TTC5: variants seen among roughly 807,000 people sequenced by gnomAD.
The protein encoded by TTC5 is tetratricopeptide repeat protein 5.
Under a neutral mutation model 57.4 loss-of-function variants are expected in TTC5, and 46 were observed. That is an observed-to-expected ratio of 0.80 (90% CI 0.63 to 1.03). The LOEUF (loss-of-function observed/expected upper bound fraction) is 1.03, where lower values mean the gene tolerates loss of function less well. TTC5 is among the 50% of genes least tolerant of loss of function. TTC5 has a pLI of 0.00. For synonymous variants in TTC5, 190 were observed against 203.5 expected (o/e 0.93, Z 0.57); for missense variants, 504 against 528.1 (o/e 0.95, Z 0.45).
intron 6 of TTC5, 93 bp from the exon 7 acceptor site, chr14:20,295,947 G>C: frequency 7.8e-7 from 1 of 1,278,202 alleles, no homozygotes; most frequent in East Asian, 2.4e-5. Flanking sequence ...GAAATAAACT[G>C]TTTTCCTTCC....
chr14:20,299,680 G>A (rs1249067768), intron 3 of TTC5, among the ~76,000 whole-genome samples: 1 of 152,036 alleles, frequency 6.6e-6, no homozygotes. Context: ...AGCTTCCCAA[G>A]TAGCTGGGAC....
chr14:20,297,542 G>A (rs376134069), intron 5 of TTC5, among the ~76,000 whole-genome samples: 4 of 152,078 alleles, frequency 2.6e-5, no homozygotes, highest in South Asian at 2.1e-4. Context: ...AGACCGAGGC[G>A]GATGGATCAC....
At chr14:20,300,913 A>G in intron 2 of TTC5, 95 bp from the exon 3 acceptor site, 1 of 982,582 alleles carries the variant, frequency 1.0e-6, no homozygotes, top group Non-Finnish European at 1.5e-6. Context: ...TTTTAGGAAT[A>G]AAAAGAGTTG....
intron 1 of TTC5, among the ~76,000 whole-genome samples, chr14:20,302,198 T>A (rs892389247): frequency 6.6e-6 from 1 of 152,194 alleles, no homozygotes; most frequent in Non-Finnish European, 1.5e-5. Flanking sequence ...AGTGTCTCTA[T>A]TGTGATGACC....
chr14:20,297,922 A>G (rs547299869), intron 5 of TTC5, among the ~76,000 whole-genome samples: 20 of 152,356 alleles, frequency 1.3e-4, no homozygotes, highest in African/African-American at 4.1e-4. Context: ...TCCGTGATTG[A>G]AAAAGGGCAG....
Position 20,299,542 on chromosome 14 carries a change from CCTTT to C in TTC5, c.397-98_397-95del, listed in dbSNP as rs1882138559. ...TCAGTCTTCTAAATCTAATTTTTTA[CCTTT>C]CTAAGTTTTTTGTTTTGTTTTGTTT... is the stretch of plus-strand genomic sequence containing the variant. On this transcript the variant is annotated intron_variant, in intron 3 of 9. Transcript: ENST00000258821. 6.8e-6 allele frequency: 10 copies of C among 1,464,254 alleles called. No individual in the cohort carries two copies. In the South Asian group the frequency reaches 6.9e-5, roughly 10 times the overall value. 90.7% of individuals were successfully genotyped at this position (1,464,254 alleles called of 1,614,324 possible).
At position 20,301,833 on chromosome 14, in the gene TTC5, C is replaced by T. The variant is rs1263182618; in HGVS notation, c.184G>A (p.Gly62Ser). ...KTLQQMEEVV[G>S]SVQGKAQVLM... is the part of the protein sequence containing the mutation. ...GTTGTACAATCTCTAGGGCTCATAC[C>T]CACTACTTCTTCCATCTGCTGTAGG... Residue 62 changes from glycine (G) to serine (S), a missense_variant and splice_region_variant, in exon 2 of 10, where the codon GGT becomes AGT. Coordinates refer to ENST00000258821, the MANE Select transcript of TTC5 (RefSeq NM_138376.3). The T allele has an allele frequency of 6.2e-7, 1 of 1,613,728 alleles. No homozygotes were observed. The highest frequency in any genetic ancestry group is 1.3e-5 in the African/African-American group (1 of 74,872).
At chr14:20,296,933 A>C (rs1440295500) in intron 5 of TTC5, among the ~76,000 whole-genome samples, 1 of 152,152 alleles carries the variant, frequency 6.6e-6, no homozygotes, top group Non-Finnish European at 1.5e-5. Context: ...TTGTTTTAAC[A>C]TGGGAGGTGG....
intron 8 of TTC5, 30 bp downstream of exon 8, chr14:20,295,282 T>C (rs1195194177): frequency 6.2e-7 from 1 of 1,605,848 alleles, no homozygotes; most frequent in Admixed American, 1.7e-5. Flanking sequence ...TTCAAAAGGG[T>C]AAAATGGGGG....
rs552581393 is a variant in TTC5, at chr14:20,301,938, G to A, written c.79C>T (p.Arg27Ter). ...QELVDQLYSF[R>*]DCYFETHSVE... ...CTATGTGTCTCGAAATAGCAGTCTC[G>A]AAATGAGTAGAGCTGATCCACGAGT... The change falls in exon 2 of 10, where the codon CGA becomes TGA. Residue 27 changes from arginine (R) to a stop codon, truncating the protein, a stop_gained. Coordinates refer to ENST00000258821, the MANE Select transcript of TTC5 (RefSeq NM_138376.3). LOFTEE classifies it high-confidence loss of function. The A allele has an allele frequency of 5.0e-6, 8 of 1,613,870 alleles. No homozygotes were observed. Among genetic ancestry groups the A allele is most frequent in the South Asian group, 1.1e-5 (1 of 91,062 alleles).
At position 20,305,333 on chromosome 14, in the gene TTC5, C is replaced by T. The variant is rs546742068; in HGVS notation, c.51+554G>A. 2.0e-5 allele frequency: 3 copies of T among 152,330 alleles called. No homozygotes were observed. The East Asian group carries it at 5.8e-4, about 29-fold the overall frequency. The allele number at this position is 152,330 out of a possible 1,614,324, so 9.4% of individuals were successfully genotyped here. ...AAGCAACTAGTTAACGCCTCCCTAC[C>T]AAGTCCAAAAGACTAGTCTTACCTG... On this transcript the variant is annotated intron_variant, in intron 1 of 9. Coordinates refer to ENST00000258821, the MANE Select transcript of TTC5 (RefSeq NM_138376.3).
chr14:20,297,947 T>C (rs1310442925), intron 5 of TTC5, among the ~76,000 whole-genome samples: 3 of 152,134 alleles, frequency 2.0e-5, no homozygotes, highest in South Asian at 4.1e-4. Flanking sequence ...AAGTCAAAGG[T>C]AGAGTTGTGG....
intron 1 of TTC5, among the ~76,000 whole-genome samples, 194 bp from the exon 2 acceptor site, chr14:20,302,159 G>T (rs1882206193): frequency 6.6e-6 from 1 of 152,166 alleles, no homozygotes; most frequent in African/African-American, 2.4e-5. Context: ...CCCCAGGCCA[G>T]CTCTCATGGT....
At chr14:20,303,376 C>CA (rs932044342) in intron 1 of TTC5, among the ~76,000 whole-genome samples, 1 of 151,960 alleles carries the variant, frequency 6.6e-6, no homozygotes, top group African/African-American at 2.4e-5. Context: ...TTCCAAAATT[C>CA]AAAAAAATCC....
In TTC5 at chr14:20,289,490, T is replaced by G; in HGVS notation, c.*137A>C. 1 of 1,060,140 alleles carries G rather than the reference T, an allele frequency of 9.4e-7. No homozygotes were observed. Among genetic ancestry groups the G allele is most frequent in the Non-Finnish European group, 1.3e-6 (1 of 754,146 alleles). The allele number at this position is 1,060,140 out of a possible 1,614,324, so 65.7% of individuals were successfully genotyped here. Reference sequence around the variant, plus strand: ...GAGGAGAGAGAAGAGATACGAAGTGTAATACAGGCAGGGAAAGAGAAAGTC... The same window carrying G: ...GAGGAGAGAGAAGAGATACGAAGTGGAATACAGGCAGGGAAAGAGAAAGTC... On this transcript the variant is annotated 3_prime_UTR_variant, in exon 10 of 10. Coordinates refer to ENST00000258821, the MANE Select transcript of TTC5 (RefSeq NM_138376.3).
chr14:20,305,892 A>AT lies in TTC5; in HGVS notation c.45dup (p.Leu16IlefsTer20). ...AATTTAATCTACGGCCCCACCTGCAATTTCTGCAAGATCGGCTTGACTTCT... is the reference window on the plus strand; with the variant it reads ...AATTTAATCTACGGCCCCACCTGCAATTTTCTGCAAGATCGGCTTGACTTCT... On this transcript the variant is annotated frameshift_variant, in exon 1 of 10. Transcript: ENST00000258821. LOFTEE classifies it high-confidence loss of function. The AT allele has an allele frequency of 6.2e-7, 1 of 1,614,010 alleles. No individual in the cohort carries two copies.
At chr14:20,290,207 A>C (rs73583426) in intron 9 of TTC5, among the ~76,000 whole-genome samples, 1,962 of 152,320 alleles carry the variant, frequency 0.013, 51 homozygotes, top group African/African-American at 0.045. Context: ...CTTCTCTTTT[A>C]TATCAAGAGG....
chr14:20,300,143 G>GTGTGTATATATATATATATATATA lies in TTC5; in HGVS notation c.396+463_396+464insTATATATATATATATATATACACA, dbSNP rs370417927. On this transcript the variant is annotated intron_variant, in intron 3 of 9. Coordinates refer to ENST00000258821, the MANE Select transcript of TTC5 (RefSeq NM_138376.3). ...GCATGAGTCACCACGTCTGGTCCAT[G>GTGTGTATATATATATATATATATA]TATATATATATATTTTTTTTTTTTT... is the stretch of plus-strand genomic sequence containing the variant. 3.4e-3 allele frequency among the ~76,000 whole-genome samples: 91 copies of GTGTGTATATATATATATATATATA among 27,156 alleles called. 9 individuals carry two copies. The highest frequency in any genetic ancestry group is 4.7e-3 in the South Asian group (4 of 852). 17.8% of individuals were successfully genotyped at this position (27,156 alleles called of 152,430 possible).
chr14:20,300,546 T>C (rs900260740), intron 3 of TTC5, 61 bp downstream of exon 3: 59 of 1,466,064 alleles, frequency 4.0e-5, no homozygotes, highest in East Asian at 3.2e-4. Flanking sequence ...GGGAAACTCA[T>C]AGAACCAAAG....
Sources: gnomAD v4.1 joint callset for allele counts (sites outside exome capture counted in the v4.1 genomes callset) on GRCh38, gnomAD v4.1.1 for gene constraint, MANE v1.5 for transcripts, NCBI Gene and HGNC (gene_info 2026-07-23, HGNC 2026-07-21) for gene names.